The following RANBP2 variants were observed in gnomAD, a reference collection of about 807,000 sequenced individuals.
RANBP2 encodes E3 SUMO-protein ligase RanBP2.
In RANBP2, 57 loss-of-function variants were observed where a neutral mutation model predicts 303.6. The observed-to-expected ratio is 0.19, with a 90% CI of 0.15 to 0.23. RANBP2 has a LOEUF of 0.23. RANBP2 is among the 10% of genes least tolerant of loss of function. The probability of loss-of-function intolerance (pLI) is 1.00; values close to 1 mark genes in which losing one functional copy is unlikely to be tolerated. For missense variants in RANBP2, 3,138 were observed against 3,780.8 expected, an observed-to-expected ratio of 0.83 and a Z score of 4.46; for synonymous variants, 1,167 against 1,301.5, an observed-to-expected ratio of 0.90 and a Z score of 2.23.
At chr2:108,925,768 C>A in the RANBP2 span, among the ~76,000 whole-genome samples, 2 of 152,146 alleles carry the variant, frequency 1.3e-5, no homozygotes, top group Non-Finnish European at 2.9e-5. Flanking sequence ...CAGGCATGCA[C>A]CACGACGCCT....
chr2:109,371,537 T>C, the RANBP2 span: 26 of 1,517,992 alleles, frequency 1.7e-5, no homozygotes, highest in African/African-American at 1.5e-4. Flanking sequence ...TCCTTTTTCA[T>C]TGTGTGTGTG....
chr2:109,370,394 C>T, the RANBP2 span, among the ~76,000 whole-genome samples: 1 of 152,050 alleles, frequency 6.6e-6, no homozygotes, highest in Non-Finnish European at 1.5e-5. Context: ...TGCCTGCCAC[C>T]ATGCCCGGCT....
the RANBP2 span, among the ~76,000 whole-genome samples, chr2:108,982,668 C>T: frequency 2.0e-5 from 3 of 152,194 alleles, no homozygotes; most frequent in African/African-American, 7.2e-5. Flanking sequence ...TAATAATTTT[C>T]ATCTGGAAAC....
At chr2:108,741,580 C>A (rs1248486649) in intron 7 of RANBP2, among the ~76,000 whole-genome samples, 6 of 141,826 alleles carry the variant, frequency 4.2e-5, no homozygotes, top group Middle Eastern at 3.9e-3. Context: ...ATCTCGGCTC[C>A]CTGCAAGCTC....
the RANBP2 span, among the ~76,000 whole-genome samples, chr2:109,441,681 A>G: frequency 2.0e-5 from 3 of 152,360 alleles, no homozygotes; most frequent in African/African-American, 7.2e-5. Context: ...AACCACAAAC[A>G]CAGTTTCAAA....
chr2:109,148,203 C>G, the RANBP2 span, among the ~76,000 whole-genome samples: 7 of 152,318 alleles, frequency 4.6e-5, 1 homozygote, highest in South Asian at 1.5e-3. Flanking sequence ...CCTGCCTGCT[C>G]TAGGACTCAG....
At chr2:108,758,620 G>T in intron 18 of RANBP2, 72 bp downstream of exon 18, 1 of 1,604,728 alleles carries the variant, frequency 6.2e-7, no homozygotes, top group Non-Finnish European at 8.5e-7. Context: ...TAGATAACGT[G>T]TGAAATCACC....
At chr2:109,318,467 A>G in the RANBP2 span, among the ~76,000 whole-genome samples, 709 of 152,318 alleles carry the variant, frequency 4.7e-3, 4 homozygotes, top group Non-Finnish European at 7.2e-3. Context: ...CTCTCGGCAT[A>G]CGCGTTTATC....
chr2:108,874,504 G>C, the RANBP2 span, among the ~76,000 whole-genome samples: 14 of 152,286 alleles, frequency 9.2e-5, no homozygotes, highest in African/African-American at 2.9e-4. Flanking sequence ...TTGTATAACA[G>C]TAACATTTTT....
At chr2:109,260,885 G>A in the RANBP2 span, among the ~76,000 whole-genome samples, 1 of 152,152 alleles carries the variant, frequency 6.6e-6, no homozygotes, top group Non-Finnish European at 1.5e-5. Flanking sequence ...GCAGGCAGGT[G>A]ACTTCAGAAC....
chr2:109,348,426 G>A, the RANBP2 span, among the ~76,000 whole-genome samples: 2 of 152,220 alleles, frequency 1.3e-5, no homozygotes, highest in Middle Eastern at 3.2e-3. Flanking sequence ...GTCCTCTAGG[G>A]CACCTGAGGC....
chr2:109,666,320 A>C, the RANBP2 span, among the ~76,000 whole-genome samples: 1 of 152,090 alleles, frequency 6.6e-6, no homozygotes, highest in South Asian at 2.1e-4. Context: ...TTTTGTGAGA[A>C]GGAGATTTCT....
At chr2:108,745,846 G>A (rs1211343668) in intron 7 of RANBP2, among the ~76,000 whole-genome samples, 1 of 150,738 alleles carries the variant, frequency 6.6e-6, no homozygotes, top group African/African-American at 2.4e-5. Flanking sequence ...TTCTCTGAAT[G>A]TAACATGAAT....
chr2:109,477,521 G>T, the RANBP2 span, among the ~76,000 whole-genome samples: 1 of 152,218 alleles, frequency 6.6e-6, no homozygotes, highest in African/African-American at 2.4e-5. Context: ...GACCAGGAGA[G>T]CCTCTCCCAG....
the RANBP2 span, among the ~76,000 whole-genome samples, chr2:109,596,355 C>A: frequency 6.6e-6 from 1 of 152,064 alleles, no homozygotes; most frequent in Admixed American, 6.6e-5. Flanking sequence ...GTGTGGCTCA[C>A]GCCTGTAATT....
At chr2:109,444,029 A>C in the RANBP2 span, among the ~76,000 whole-genome samples, 18 of 152,190 alleles carry the variant, frequency 1.2e-4, no homozygotes, top group African/African-American at 4.3e-4. Context: ...AAAGGGATTC[A>C]AGTCATGGAA....
At chr2:109,447,405 G>A in the RANBP2 span, among the ~76,000 whole-genome samples, 7 of 152,242 alleles carry the variant, frequency 4.6e-5, no homozygotes, top group East Asian at 7.7e-4. Flanking sequence ...TAGGATTAAC[G>A]AGTGCATAGT....
chr2:109,505,818 C>T, the RANBP2 span, among the ~76,000 whole-genome samples: 2 of 152,172 alleles, frequency 1.3e-5, no homozygotes, highest in Non-Finnish European at 2.9e-5. Flanking sequence ...AACCTGTACT[C>T]CCTAATAGAA....
At chr2:109,603,538 C>T in the RANBP2 span, among the ~76,000 whole-genome samples, 1 of 150,058 alleles carries the variant, frequency 6.7e-6, no homozygotes, top group Non-Finnish European at 1.5e-5. Flanking sequence ...CGCGCCCGGC[C>T]TCATAATATT....
Sources: gnomAD v4.1 joint callset for allele counts (sites outside exome capture counted in the v4.1 genomes callset) on GRCh38, gnomAD v4.1.1 for gene constraint, MANE v1.5 for transcripts, NCBI Gene and HGNC (gene_info 2026-07-23, HGNC 2026-07-21) for gene names.